The following ATAD5 variants were observed in gnomAD, a reference collection of about 807,000 sequenced individuals.
The protein encoded by ATAD5 is ATPase family AAA domain-containing protein 5.
Under a neutral mutation model 176.9 loss-of-function variants are expected in ATAD5, and 58 were observed. That is an observed-to-expected ratio of 0.33 (90% CI 0.27 to 0.41). The LOEUF (loss-of-function observed/expected upper bound fraction) is 0.41. ATAD5 is among the 10% of genes least tolerant of loss of function. ATAD5 has a pLI of 1.00. For missense variants in ATAD5, 1,789 were observed against 2,094.1 expected (o/e 0.85, Z 2.84); for synonymous variants, 640 against 712.6 (o/e 0.90, Z 1.62).
chr17:30,850,831 T>A (rs1280701722), intron 6 of ATAD5, among the ~76,000 whole-genome samples: 37 of 62,592 alleles, frequency 5.9e-4, no homozygotes, highest in African/African-American at 2.0e-3. Flanking sequence ...ATTTATATAT[T>A]TTTATATATA....
Position 30,834,494 on chromosome 17 carries a change from G to A in ATAD5, c.413G>A (p.Ser138Asn). The A allele has an allele frequency of 6.3e-7, 1 of 1,585,046 alleles. No homozygotes were observed. The highest frequency in any genetic ancestry group is 8.5e-7 in the Non-Finnish European group (1 of 1,170,428). ...AATGAAGCTCCAATTGAAATTAGTA[G>A]CGACGATAGCAAAGAAGACTATAGT... The part of the protein sequence containing the change: ...TENEAPIEIS[S>N]DDSKEDYSLN... Residue 138 changes from serine to asparagine, a missense_variant, in exon 2 of 23, where the codon AGC becomes AAC. Transcript: ENST00000321990.
At chr17:30,849,722 G>A (rs745564478) in intron 6 of ATAD5, among the ~76,000 whole-genome samples, 2 of 152,028 alleles carry the variant, frequency 1.3e-5, no homozygotes, top group Non-Finnish European at 2.9e-5. Context: ...ATATTACCTT[G>A]CCTTTTTATT....
At chr17:30,891,561 T>C (rs1288937463) in intron 19 of ATAD5, among the ~76,000 whole-genome samples, 4 of 151,806 alleles carry the variant, frequency 2.6e-5, no homozygotes, top group Admixed American at 2.0e-4. Flanking sequence ...TTAGTAGAGA[T>C]GGGGTTTTGC....
chr17:30,885,328 GAGC>G (rs1909251929), intron 18 of ATAD5, among the ~76,000 whole-genome samples: 1 of 152,170 alleles, frequency 6.6e-6, no homozygotes, highest in South Asian at 2.1e-4. Flanking sequence ...TTACAAGCAT[GAGC>G]CACCACAACT....
At chr17:30,866,346 C>CA (rs1907983246) in intron 11 of ATAD5, among the ~76,000 whole-genome samples, 1 of 150,556 alleles carries the variant, frequency 6.6e-6, no homozygotes, top group Non-Finnish European at 1.5e-5. Context: ...TACAGGGGTG[C>CA]ACCGCCATGC....
rs1909877165 is a variant in ATAD5, at chr17:30,895,824, T to C, written c.*911T>C. On this transcript the variant is annotated 3_prime_UTR_variant, in exon 23 of 23. Coordinates refer to ENST00000321990, the MANE Select transcript of ATAD5 (RefSeq NM_024857.5). The stretch of plus-strand genomic sequence containing the variant: ...TTTCTTGTATTAATTAGTATATTGA[T>C]CTAATTAAAGGTTAAAGCTAAAGGC... The C allele has an allele frequency of 6.6e-6, 1 of 152,136 alleles. No individual in the cohort carries two copies. Among genetic ancestry groups the C allele is most frequent in the Non-Finnish European group, 1.5e-5 (1 of 68,026 alleles). The allele number at this position is 152,136 out of a possible 1,614,324, so 9.4% of individuals were successfully genotyped here.
intron 10 of ATAD5, chr17:30,863,980 T>G (rs1907824874): frequency 1.3e-5 from 2 of 152,170 alleles, no homozygotes; most frequent in Admixed American, 1.3e-4. Context: ...TTTGTATTTT[T>G]AGTAGAGATG....
At position 30,832,365 on chromosome 17, in the gene ATAD5, C is replaced by A; in HGVS notation, c.18C>A (p.Ala6=). 6.4e-7 allele frequency: 1 copy of A among 1,563,778 alleles called. No individual in the cohort carries two copies. The highest frequency in any genetic ancestry group is 8.7e-7 in the Non-Finnish European group (1 of 1,154,054). Reference sequence around the variant, plus strand: ...CGGGGAGTATGGTGGGGGTCCTGGCCATGGCGGCTGCAGCTGCTCCGCCTC... The same window carrying A: ...CGGGGAGTATGGTGGGGGTCCTGGCAATGGCGGCTGCAGCTGCTCCGCCTC... The part of the protein sequence containing the change: MVGVL[A]MAAAAAPPPV... Residue 6 remains alanine, a synonymous_variant, in exon 1 of 23, where the codon GCC becomes GCA. Coordinates refer to ENST00000321990, the MANE Select transcript of ATAD5 (RefSeq NM_024857.5).
At chr17:30,863,911 C>T (rs1224480169) in intron 10 of ATAD5, 1 of 152,210 alleles carries the variant, frequency 6.6e-6, no homozygotes, top group East Asian at 1.9e-4. Flanking sequence ...GTGATCCTCC[C>T]ACCTCGGCCT....
chr17:30,870,127 C>G (rs1197082872), intron 14 of ATAD5, among the ~76,000 whole-genome samples: 1 of 152,070 alleles, frequency 6.6e-6, no homozygotes, highest in Non-Finnish European at 1.5e-5. Context: ...AAAAAAAGAT[C>G]TATTAACTAT....
chr17:30,859,959 G>A (rs60802615), intron 9 of ATAD5, among the ~76,000 whole-genome samples: 1 of 146,304 alleles, frequency 6.8e-6, no homozygotes, highest in Non-Finnish European at 1.5e-5. Flanking sequence ...CCTGACCTCA[G>A]GTGATCCACC....
At chr17:30,883,574 C>G (rs935338349) in intron 18 of ATAD5, among the ~76,000 whole-genome samples, 2 of 151,958 alleles carry the variant, frequency 1.3e-5, no homozygotes, top group Non-Finnish European at 2.9e-5. Context: ...GAGATGGAGT[C>G]TCGCTCTGTT....
At chr17:30,842,773 T>C (rs1038958589) in intron 4 of ATAD5, among the ~76,000 whole-genome samples, 1 of 152,110 alleles carries the variant, frequency 6.6e-6, no homozygotes, top group Non-Finnish European at 1.5e-5. Context: ...AGACAGAGTT[T>C]TGCTCTTGTT....
intron 18 of ATAD5, among the ~76,000 whole-genome samples, chr17:30,882,610 T>A (rs960426166): frequency 6.6e-6 from 1 of 151,976 alleles, no homozygotes; most frequent in African/African-American, 2.4e-5. Flanking sequence ...AAAAAACAAT[T>A]TGTCTAGACA....
intron 4 of ATAD5, 41 bp downstream of exon 4, chr17:30,840,822 T>C (rs772508123): frequency 6.4e-7 from 1 of 1,554,690 alleles, no homozygotes; most frequent in South Asian, 1.2e-5. Flanking sequence ...TTCTCTCCTA[T>C]TTTGCTGTTT....
chr17:30,842,245 G>A (rs916102679), intron 4 of ATAD5, among the ~76,000 whole-genome samples: 2 of 150,674 alleles, frequency 1.3e-5, no homozygotes, highest in Non-Finnish European at 3.0e-5. Context: ...TTCCAGCCTG[G>A]GTAACAGAGT....
intron 19 of ATAD5, among the ~76,000 whole-genome samples, chr17:30,889,195 C>T (rs1353295319): frequency 1.4e-5 from 2 of 139,834 alleles, no homozygotes; most frequent in Non-Finnish European, 1.5e-5. Context: ...GGTAGGGTCT[C>T]GCTATATTGC....
At chr17:30,849,441 A>G (rs1399784435) in intron 6 of ATAD5, among the ~76,000 whole-genome samples, 2 of 152,326 alleles carry the variant, frequency 1.3e-5, no homozygotes, top group East Asian at 3.9e-4. Flanking sequence ...ATGAACATTC[A>G]TGTATAAGTC....
chr17:30,833,294 A>G (rs369460890), intron 1 of ATAD5, among the ~76,000 whole-genome samples: 1 of 151,954 alleles, frequency 6.6e-6, no homozygotes, highest in Admixed American at 6.6e-5. Flanking sequence ...CTTGATTTCT[A>G]TGTGGTCTGT....
Sources: allele counts gnomAD v4.1 joint callset (sites outside exome capture counted in the v4.1 genomes callset), GRCh38; gene constraint gnomAD v4.1.1; transcripts MANE v1.5; gene names NCBI Gene and HGNC (gene_info 2026-07-23, HGNC 2026-07-21).